The following OR10G2 variants were observed in gnomAD, a reference collection of about 807,000 sequenced individuals.
OR10G2 encodes olfactory receptor family 10 subfamily G member 2.
For synonymous variants in OR10G2, 147 were observed against 164.2 expected (o/e 0.90, Z 0.80); for missense variants, 396 against 387.6 (o/e 1.02, Z -0.18).
chr14:21,634,722 G>C lies in OR10G2; in HGVS notation c.121C>G (p.Leu41Val). 1.2e-6 allele frequency: 2 copies of C among 1,614,168 alleles called. No individual in the cohort carries two copies. Among genetic ancestry groups the C allele is most frequent in the Non-Finnish European group, 8.5e-7 (1 of 1,180,012 alleles). The change falls in exon 1 of 1, where the codon CTC (leucine) becomes GTC (valine). Residue 41 changes from leucine to valine, a missense_variant. Coordinates refer to ENST00000542433, the MANE Select transcript of OR10G2 (RefSeq NM_001005466.2). ...LFLVFFIIYI[L>V]TQLGNLLILL... ...ATGAGCAGGTTCCCCAGCTGAGTGA[G>C]GATGTAAATGATGAAGAAGACCAGG... is the stretch of plus-strand genomic sequence containing the variant.
chr14:21,634,552 G>C lies in OR10G2; in HGVS notation c.291C>G (p.Ile97Met). 1 of 1,614,148 alleles carries C rather than the reference G, an allele frequency of 6.2e-7. No homozygotes were observed. ...GTTGAGCCACACAGCCACCAAACGGGATAGCCTTGATGGAAGGAGTAAAAT... is the reference window on the plus strand; with the variant it reads ...GTTGAGCCACACAGCCACCAAACGGCATAGCCTTGATGGAAGGAGTAAAAT... ...ILDFTPSIKAIPFGGCVAQLY... is the reference protein window; with the variant it reads ...ILDFTPSIKAMPFGGCVAQLY... Residue 97 changes from isoleucine to methionine, a missense_variant, in exon 1 of 1, where the codon ATC becomes ATG. Physicochemically the swap from Ile to Met is conservative, Grantham distance 10. Coordinates refer to ENST00000542433, the MANE Select transcript of OR10G2 (RefSeq NM_001005466.2).
At position 21,634,674 on chromosome 14, in the gene OR10G2, G is replaced by T; in HGVS notation, c.169C>A (p.Pro57Thr). The change falls in exon 1 of 1, where the codon CCG (proline) becomes ACG (threonine). Residue 57 changes from proline to threonine, a missense_variant. Pro to Thr is a conservative substitution (Grantham distance 38). Coordinates refer to ENST00000542433, the MANE Select transcript of OR10G2 (RefSeq NM_001005466.2). ...LLILLTMWAD[P>T]KLCARPMYIL... Reference sequence around the variant, plus strand: ...TACATGGGGCGAGCACAGAGCTTCGGGTCAGCCCACATGGTGAGCAGAATG... The same window carrying T: ...TACATGGGGCGAGCACAGAGCTTCGTGTCAGCCCACATGGTGAGCAGAATG... 1 of 1,614,110 alleles carries T rather than the reference G, an allele frequency of 6.2e-7. No individual in the cohort carries two copies. The highest frequency in any genetic ancestry group is 1.1e-5 in the South Asian group (1 of 91,080).
rs775179153 is a variant in OR10G2 at position 21,634,629 on chromosome 14, A to T, written c.214T>A (p.Ser72Thr). 22 of 1,614,028 alleles carry T rather than the reference A, an allele frequency of 1.4e-5. No individual in the cohort carries two copies. Among genetic ancestry groups the T allele is most frequent in the Non-Finnish European group, 1.9e-5 (22 of 1,180,028 alleles). Residue 72 changes from serine (S) to threonine (T), a missense_variant, in exon 1 of 1, where the codon TCA becomes ACA. Transcript: ENST00000542433. ...RPMYILLGVL[S>T]FLDMWLSSVT... ...GAGGAGAGCCACATGTCCAGGAATG[A>T]GAGCACTCCCAGAAGAATGTACATG...
Position 21,634,940 on chromosome 14 carries a change from C to T in OR10G2, c.-98G>A. The T allele has an allele frequency of 1.0e-6, 1 of 974,606 alleles. No homozygotes were observed. The highest frequency in any genetic ancestry group is 1.5e-6 in the Non-Finnish European group (1 of 648,770). 60.4% of individuals were successfully genotyped at this position (974,606 alleles called of 1,614,324 possible). A position where few individuals can be genotyped will look rare whatever the true frequency, so the allele number is the denominator to read the frequency against. On this transcript the variant is annotated 5_prime_UTR_variant, in exon 1 of 1. Transcript: ENST00000542433. ...AATGCTTTTGTCGGATGATTGATGCCTAGGAATTATGAGATAAACAAGATA... is the reference window on the plus strand; with the variant it reads ...AATGCTTTTGTCGGATGATTGATGCTTAGGAATTATGAGATAAACAAGATA...
Position 21,634,286 on chromosome 14 carries a change from A to G in OR10G2, c.557T>C (p.Ile186Thr). 1 of 1,614,162 alleles carries G rather than the reference A, an allele frequency of 6.2e-7. No individual in the cohort carries two copies. Among genetic ancestry groups the G allele is most frequent in the Non-Finnish European group, 8.5e-7 (1 of 1,180,016 alleles). The change falls in exon 1 of 1, where the codon ATC becomes ACC. Residue 186 changes from isoleucine (I) to threonine (T), a missense_variant. Ile to Thr is a moderately conservative substitution (Grantham distance 89, BLOSUM62 -1). Coordinates refer to ENST00000542433, the MANE Select transcript of OR10G2 (RefSeq NM_001005466.2). ...PNQVDYFICD[I>T]PAVLRLACAD... ...ACAGGCCAGTCTCAATACTGCGGGGATGTCACAGATAAAGTAATCCACCTG... is the reference window on the plus strand; with the variant it reads ...ACAGGCCAGTCTCAATACTGCGGGGGTGTCACAGATAAAGTAATCCACCTG...
rs755593456 is a variant in OR10G2, at chr14:21,634,199, C to T, written c.644G>A (p.Cys215Tyr). Residue 215 changes from cysteine (C) to tyrosine (Y), a missense_variant, in exon 1 of 1, where the codon TGC becomes TAC. Coordinates refer to ENST00000542433, the MANE Select transcript of OR10G2 (RefSeq NM_001005466.2). ...ATACGAGAGCAGAATTAACATGAAGCAACTGGCGGCCACTACCCCGACGTC... is the reference window on the plus strand; with the variant it reads ...ATACGAGAGCAGAATTAACATGAAGTAACTGGCGGCCACTACCCCGACGTC... ...FVDVGVVAAS[C>Y]FMLILLSYAN... The T allele has an allele frequency of 2.5e-6, 4 of 1,614,174 alleles. No individual in the cohort carries two copies. In the South Asian group the frequency reaches 3.3e-5, roughly 13 times the overall value.
Position 21,634,223 on chromosome 14 carries a change from T to A in OR10G2, c.620A>T (p.Asp207Val). 1.2e-6 allele frequency: 2 copies of A among 1,614,112 alleles called. No individual in the cohort carries two copies. Among genetic ancestry groups the A allele is most frequent in the African/African-American group, 1.3e-5 (1 of 75,012 alleles). Reference protein sequence around the residue: ...TTVNELVTFVDVGVVAASCFM... With the variant: ...TTVNELVTFVVVGVVAASCFM... ...GCAACTGGCGGCCACTACCCCGACG[T>A]CCACAAAGGTCACAAGCTCATTGAC... The change falls in exon 1 of 1, where the codon GAC (aspartate) becomes GTC (valine). Residue 207 changes from aspartate to valine, a missense_variant. Asp to Val is a radical substitution (Grantham distance 152). Transcript: ENST00000542433.
chr14:21,634,351 C>T lies in OR10G2; in HGVS notation c.492G>A (p.Gln164=). The part of the protein sequence containing the change: ...WVAGSMHGSI[Q]ATLTFRLPYC... ...AGGGCAGGCGGAAGGTCAAGGTGGC[C>T]TGGATAGACCCATGCATGGAGCCGG... Residue 164 remains glutamine, a synonymous_variant, in exon 1 of 1, where the codon CAG becomes CAA. Transcript: ENST00000542433. 1.2e-6 allele frequency: 2 copies of T among 1,614,202 alleles called. No individual in the cohort carries two copies. The highest frequency in any genetic ancestry group is 1.7e-6 in the Non-Finnish European group (2 of 1,180,032).
In OR10G2 at chr14:21,634,010, G is replaced by T. The variant is rs1490823779; in HGVS notation, c.833C>A (p.Ala278Asp). The T allele has an allele frequency of 6.2e-7, 1 of 1,614,052 alleles. No homozygotes were observed. The highest frequency in any genetic ancestry group is 8.5e-7 in the Non-Finnish European group (1 of 1,180,020). ...GSKDPLDGAA[A>D]VFYTVVTPLL... ...TGGAGTGACAACAGTGTAAAACACA[G>T]CCGCTGCCCCATCCAGGGGGTCTTT... Residue 278 changes from alanine (A) to aspartate (D), a missense_variant, in exon 1 of 1, where the codon GCT becomes GAT. Ala to Asp is a moderately radical substitution (Grantham distance 126). Transcript: ENST00000542433.
Position 21,634,343 on chromosome 14 carries a change from A to G in OR10G2, c.500T>C (p.Leu167Ser). 1 of 1,614,228 alleles carries G rather than the reference A, an allele frequency of 6.2e-7. No individual in the cohort carries two copies. The highest frequency in any genetic ancestry group is 8.5e-7 in the Non-Finnish European group (1 of 1,180,038). The change falls in exon 1 of 1, where the codon TTG becomes TCG. Residue 167 changes from leucine (L) to serine (S), a missense_variant. Coordinates refer to ENST00000542433, the MANE Select transcript of OR10G2 (RefSeq NM_001005466.2). ...CCCACAGTAGGGCAGGCGGAAGGTC[A>G]AGGTGGCCTGGATAGACCCATGCAT... ...GSMHGSIQAT[L>S]TFRLPYCGPN... is the part of the protein sequence containing the mutation.
rs1195301578 is a variant in OR10G2, at chr14:21,634,180, G to A, written c.663C>T (p.Leu221=). 6.2e-7 allele frequency: 1 copy of A among 1,614,026 alleles called. No individual in the cohort carries two copies. Among genetic ancestry groups the A allele is most frequent in the East Asian group, 2.2e-5 (1 of 44,884 alleles). The change falls in exon 1 of 1, where the codon CTC becomes CTT. Residue 221 remains leucine, a synonymous_variant. Transcript: ENST00000542433. ...VAASCFMLIL[L]SYANIVNAIL... ...TGGCATTTACTATGTTGGCATACGA[G>A]AGCAGAATTAACATGAAGCAACTGG...
At position 21,634,769 on chromosome 14, in the gene OR10G2, G is replaced by T. The variant is rs1878652157; in HGVS notation, c.74C>A (p.Pro25Gln). Residue 25 changes from proline to glutamine, a missense_variant, in exon 1 of 1, where the codon CCA becomes CAA. By Grantham distance (76) the Pro-to-Gln change is moderately conservative. Coordinates refer to ENST00000542433, the MANE Select transcript of OR10G2 (RefSeq NM_001005466.2). ...CAGGAAGAGGAGGCTTCTTAGATTT[G>T]GGGGGTGAGACAAACCCAGAAGAAT... is the stretch of plus-strand genomic sequence containing the variant. ...DFILLGLSHP[P>Q]NLRSLLFLVF... 8 of 1,613,898 alleles carry T rather than the reference G, an allele frequency of 5.0e-6. No homozygotes were observed. The highest frequency in any genetic ancestry group is 1.7e-5 in the Admixed American group (1 of 59,996).
chr14:21,633,996 C>G lies in OR10G2; in HGVS notation c.847G>C (p.Val283Leu), dbSNP rs373346471. The part of the protein sequence containing the change: ...LDGAAAVFYT[V>L]VTPLLNPLIY... ...AGGGGGTTCAGTAATGGAGTGACAA[C>G]AGTGTAAAACACAGCCGCTGCCCCA... The change falls in exon 1 of 1, where the codon GTT (valine) becomes CTT (leucine). Residue 283 changes from valine (V) to leucine (L), a missense_variant. Coordinates refer to ENST00000542433, the MANE Select transcript of OR10G2 (RefSeq NM_001005466.2). The G allele has an allele frequency of 1.9e-6, 3 of 1,613,980 alleles. No individual in the cohort carries two copies. The African/African-American group carries it at 4.0e-5, about 22-fold the overall frequency.
At position 21,634,600 on chromosome 14, in the gene OR10G2, G is replaced by C; in HGVS notation, c.243C>G (p.Val81=). The C allele has an allele frequency of 6.2e-7, 1 of 1,614,132 alleles. No homozygotes were observed. Among genetic ancestry groups the C allele is most frequent in the Non-Finnish European group, 8.5e-7 (1 of 1,180,020 alleles). The stretch of plus-strand genomic sequence containing the variant: ...AATCCAAAATAAGCAGAGGAACGGT[G>C]ACTGAGGAGAGCCACATGTCCAGGA... The part of the protein sequence containing the change: ...LSFLDMWLSS[V]TVPLLILDFT... The change falls in exon 1 of 1, where the codon GTC becomes GTG. Residue 81 remains valine (V), a synonymous_variant. Transcript: ENST00000542433.
rs749581507 is a variant in OR10G2 at position 21,634,300 on chromosome 14, G to A, written c.543C>T (p.Tyr181=). The A allele has an allele frequency of 6.2e-7, 1 of 1,614,226 alleles. No individual in the cohort carries two copies. Among genetic ancestry groups the A allele is most frequent in the South Asian group, 1.1e-5 (1 of 91,088 alleles). The change falls in exon 1 of 1, where the codon TAC becomes TAT. Residue 181 remains tyrosine (Y), a synonymous_variant. Coordinates refer to ENST00000542433, the MANE Select transcript of OR10G2 (RefSeq NM_001005466.2). ...ATACTGCGGGGATGTCACAGATAAA[G>A]TAATCCACCTGATTGGGCCCACAGT... ...LPYCGPNQVD[Y]FICDIPAVLR... is the part of the protein sequence containing the mutation.
At position 21,633,901 on chromosome 14, in the gene OR10G2, T is replaced by C. The variant is rs1279485148; in HGVS notation, c.*9A>G. ...ATGCAGATGTAGTTACTTATTTTCA[T>C]TCAGTCCTTCAACCTGCTGTTATCC... is the stretch of plus-strand genomic sequence containing the variant. On this transcript the variant is annotated 3_prime_UTR_variant, in exon 1 of 1. Transcript: ENST00000542433. The C allele has an allele frequency of 6.3e-7, 1 of 1,576,958 alleles. No homozygotes were observed. Among genetic ancestry groups the C allele is most frequent in the Non-Finnish European group, 8.6e-7 (1 of 1,160,020 alleles).
In OR10G2 at chr14:21,633,888, T is replaced by A. The variant is rs776939496; in HGVS notation, c.*22A>T. ...GGCAGTGATAATGATGCAGATGTAG[T>A]TACTTATTTTCATTCAGTCCTTCAA... On this transcript the variant is annotated 3_prime_UTR_variant, in exon 1 of 1. Coordinates refer to ENST00000542433, the MANE Select transcript of OR10G2 (RefSeq NM_001005466.2). 1 of 1,530,890 alleles carries A rather than the reference T, an allele frequency of 6.5e-7. No homozygotes were observed. The highest frequency in any genetic ancestry group is 2.3e-5 in the East Asian group (1 of 44,246). The allele number at this position is 1,530,890 out of a possible 1,614,324, so 94.8% of individuals were successfully genotyped here.
chr14:21,634,157 GCA>G lies in OR10G2; in HGVS notation c.684_685del (p.Ala229HisfsTer8), dbSNP rs1878595220. The G allele has an allele frequency of 6.2e-7, 1 of 1,613,736 alleles. No homozygotes were observed. Among genetic ancestry groups the G allele is most frequent in the African/African-American group, 1.3e-5 (1 of 74,906 alleles). On this transcript the variant is annotated frameshift_variant, in exon 1 of 1. Transcript: ENST00000542433. LOFTEE classifies it low-confidence loss of function (END_TRUNC). ...ATCAGTGGTGCGTATCTTCAGGATG[GCA>G]TTTACTATGTTGGCATACGAGAGCA...
chr14:21,634,550 G>A lies in OR10G2; in HGVS notation c.293C>T (p.Pro98Leu), dbSNP rs112202933. The A allele has an allele frequency of 3.7e-4, 597 of 1,614,150 alleles. 3 individuals are homozygous for A. The African/African-American group carries it at 6.7e-3, about 18-fold the overall frequency. Residue 98 changes from proline (P) to leucine (L), a missense_variant, in exon 1 of 1, where the codon CCG becomes CTG. Pro to Leu is a moderately conservative substitution (Grantham distance 98). Transcript: ENST00000542433. Reference sequence around the variant, plus strand: ...CAGTTGAGCCACACAGCCACCAAACGGGATAGCCTTGATGGAAGGAGTAAA... The same window carrying A: ...CAGTTGAGCCACACAGCCACCAAACAGGATAGCCTTGATGGAAGGAGTAAA... ...LDFTPSIKAI[P>L]FGGCVAQLYF...
Sources: allele counts gnomAD v4.1 joint callset, GRCh38; gene constraint gnomAD v4.1.1; transcripts MANE v1.5; gene names NCBI Gene and HGNC (gene_info 2026-07-23, HGNC 2026-07-21).